ZNF148: variants seen among roughly 807,000 people sequenced by gnomAD.
ZNF148 encodes the protein zinc finger protein 148, also known as Beta-Enolase Repressor Factor-1.
A neutral mutation model predicts 67.7 loss-of-function variants in ZNF148; 7 were observed. The observed-to-expected ratio is 0.10, with a 90% CI of 0.06 to 0.19. ZNF148 has a LOEUF of 0.19. ZNF148 is among the 10% of genes least tolerant of loss of function. The pLI is 1.00. For missense variants in ZNF148, 583 were observed against 947.1 expected, an observed-to-expected ratio of 0.62 and a Z score of 5.05; for synonymous variants, 333 against 330.7, an observed-to-expected ratio of 1.01 and a Z score of -0.08.
chr3:125,247,079 CAAAGT>C (rs1936634635), intron 7 of ZNF148, among the ~76,000 whole-genome samples: 1 of 152,128 alleles, frequency 6.6e-6, no homozygotes, highest in Non-Finnish European at 1.5e-5. Context: ...TCAGTTAAAT[CAAAGT>C]GGCAAAAAAC....
At chr3:125,275,239 C>A (rs990297587) in intron 7 of ZNF148, among the ~76,000 whole-genome samples, 2 of 152,244 alleles carry the variant, frequency 1.3e-5, no homozygotes, top group Middle Eastern at 3.4e-3. Context: ...TGTTAAGGAA[C>A]CCTAGTGATT....
chr3:125,285,965 T>C (rs1427287328), intron 5 of ZNF148, among the ~76,000 whole-genome samples: 1 of 152,140 alleles, frequency 6.6e-6, no homozygotes, highest in Non-Finnish European at 1.5e-5. Context: ...TATTTACAAA[T>C]ACCTAGAACA....
chr3:125,268,188 AT>A (rs1367448489), intron 7 of ZNF148, among the ~76,000 whole-genome samples: 2 of 151,390 alleles, frequency 1.3e-5, no homozygotes, highest in East Asian at 3.9e-4. Flanking sequence ...AACTACTAAT[AT>A]CATTTTTCAC....
chr3:125,234,396 A>T, intron 7 of ZNF148, 67 bp from the exon 8 acceptor site: 2 of 1,107,406 alleles, frequency 1.8e-6, no homozygotes, highest in Non-Finnish European at 2.6e-6. Flanking sequence ...CTTTGCCATA[A>T]GAATCTCTAA....
At chr3:125,333,498 AT>A (rs1024325875) in intron 1 of ZNF148, among the ~76,000 whole-genome samples, 4 of 148,842 alleles carry the variant, frequency 2.7e-5, no homozygotes, top group African/African-American at 1.0e-4. Flanking sequence ...TCAAGCCTCT[AT>A]CCCCCTTTCT....
At chr3:125,319,757 A>G (rs1940688415) in intron 3 of ZNF148, among the ~76,000 whole-genome samples, 1 of 152,202 alleles carries the variant, frequency 6.6e-6, no homozygotes, top group African/African-American at 2.4e-5. Context: ...TTAACAGACA[A>G]ATTGGGGCTT....
chr3:125,257,702 A>G (rs1323692983), intron 7 of ZNF148, among the ~76,000 whole-genome samples: 1 of 151,322 alleles, frequency 6.6e-6, no homozygotes, highest in Admixed American at 6.6e-5. Flanking sequence ...TTTCCTTCCC[A>G]TTTCTCTCTA....
chr3:125,283,503 T>G (rs1938498473), intron 5 of ZNF148, among the ~76,000 whole-genome samples: 1 of 152,164 alleles, frequency 6.6e-6, no homozygotes, highest in South Asian at 2.1e-4. Context: ...CATCAGATTT[T>G]TTTTCAAAGT....
In ZNF148 at chr3:125,298,870, G is replaced by A. The variant is rs550376514; in HGVS notation, c.334-10642C>T. 9.6e-4 allele frequency among the ~76,000 whole-genome samples: 146 copies of A among 151,782 alleles called. 1 individual carries two copies. Among genetic ancestry groups the A allele is most frequent in the African/African-American group, 1.8e-3 (76 of 41,402 alleles). On this transcript the variant is annotated intron_variant, in intron 4 of 8. Coordinates refer to ENST00000360647, the MANE Select transcript of ZNF148 (RefSeq NM_021964.3). ...TCTCAATCTCCTGACCTCGTGATCC[G>A]TCCGCCTCGGCCTCCCAAAGTGCTG...
At position 125,340,905 on chromosome 3, in the gene ZNF148, G is replaced by A. The variant is rs952760098; in HGVS notation, c.-233-9667C>T. Among the ~76,000 whole-genome samples the A allele has an allele frequency of 2.1e-3, 303 of 147,242 alleles. 1 individual carries two copies. Among genetic ancestry groups the A allele is most frequent in the African/African-American group, 7.1e-3 (285 of 40,202 alleles). ...TGGGAGGCTGAGGCAGGAGAATGGC[G>A]TGAACCCAGGAGGCGGAGCTTGCAG... On this transcript the variant is annotated intron_variant, in intron 1 of 8. Coordinates refer to ENST00000360647, the MANE Select transcript of ZNF148 (RefSeq NM_021964.3).
At chr3:125,256,369 CAA>C (rs34918292) in intron 7 of ZNF148, among the ~76,000 whole-genome samples, 225 of 137,908 alleles carry the variant, frequency 1.6e-3, no homozygotes, top group Middle Eastern at 7.4e-3. Context: ...CTCCATTTCC[CAA>C]AAAAAAAAAA....
At chr3:125,251,277 GT>G (rs1200407390) in intron 7 of ZNF148, among the ~76,000 whole-genome samples, 1 of 152,092 alleles carries the variant, frequency 6.6e-6, no homozygotes, top group Non-Finnish European at 1.5e-5. Flanking sequence ...CCACAAATTA[GT>G]TTTCTCTTTT....
rs1229043057 is a variant in ZNF148, at chr3:125,278,254, C to T, written c.584-445G>A. ...GAACCTTCAGAACTTTCTAAACATCCCTTTTTTAAAAGATCCTGTCTCTTC... is the reference window on the plus strand; with the variant it reads ...GAACCTTCAGAACTTTCTAAACATCTCTTTTTTAAAAGATCCTGTCTCTTC... On this transcript the variant is annotated intron_variant, in intron 6 of 8. Coordinates refer to ENST00000360647, the MANE Select transcript of ZNF148 (RefSeq NM_021964.3). Among the ~76,000 whole-genome samples, 3 of 152,164 alleles carry T rather than the reference C, an allele frequency of 2.0e-5. No homozygotes were observed. The East Asian group carries it at 5.8e-4, about 29-fold the overall frequency.
At chr3:125,283,511 A>G (rs1560139316) in intron 5 of ZNF148, among the ~76,000 whole-genome samples, 1 of 152,088 alleles carries the variant, frequency 6.6e-6, no homozygotes, top group Non-Finnish European at 1.5e-5. Context: ...TTTTTTTCAA[A>G]GTTAGGGTTC....
At chr3:125,275,501 T>C (rs1018040497) in intron 7 of ZNF148, among the ~76,000 whole-genome samples, 3 of 152,218 alleles carry the variant, frequency 2.0e-5, no homozygotes, top group African/African-American at 7.2e-5. Context: ...AGCTGAAATC[T>C]TGGTTCCATC....
At chr3:125,294,891 T>C (rs1028882765) in intron 4 of ZNF148, among the ~76,000 whole-genome samples, 4 of 152,212 alleles carry the variant, frequency 2.6e-5, no homozygotes, top group African/African-American at 9.6e-5. Context: ...CTTATCCTCA[T>C]GTTACCAATA....
chr3:125,358,082 C>T (rs768403483), intron 1 of ZNF148, among the ~76,000 whole-genome samples: 1 of 152,130 alleles, frequency 6.6e-6, no homozygotes, highest in African/African-American at 2.4e-5. Flanking sequence ...GAGGCTGAGG[C>T]GAGCGGATCA....
At chr3:125,244,295 T>A (rs1235865994) in intron 7 of ZNF148, among the ~76,000 whole-genome samples, 1 of 152,166 alleles carries the variant, frequency 6.6e-6, no homozygotes, top group Non-Finnish European at 1.5e-5. Flanking sequence ...AAACTATATA[T>A]GAGAGAGTTA....
intron 7 of ZNF148, among the ~76,000 whole-genome samples, chr3:125,239,527 A>ATTT (rs1560106333): frequency 2.0e-5 from 3 of 152,176 alleles, no homozygotes; most frequent in Admixed American, 2.0e-4. Flanking sequence ...ATAATAACAA[A>ATTT]AGCATGGATG....
Sources: allele counts gnomAD v4.1 joint callset (sites outside exome capture counted in the v4.1 genomes callset), GRCh38; gene constraint gnomAD v4.1.1; transcripts MANE v1.5; gene names NCBI Gene and HGNC (gene_info 2026-07-23, HGNC 2026-07-21).